ROBO2: variants seen among roughly 807,000 people sequenced by gnomAD.
ROBO2 encodes the protein roundabout guidance receptor 2.
In ROBO2, 53 loss-of-function variants were observed where a neutral mutation model predicts 160.8. The observed-to-expected ratio is 0.33, with a 90% CI of 0.26 to 0.41. ROBO2 has a LOEUF of 0.41. Among genes scored for constraint, ROBO2 ranks in the 10% least tolerant of loss-of-function variants. ROBO2 has a pLI of 1.00. For missense variants in ROBO2, 1,577 were observed against 1,722.4 expected, an observed-to-expected ratio of 0.92 and a Z score of 1.49; for synonymous variants, 664 against 611.7, an observed-to-expected ratio of 1.09 and a Z score of -1.26.
At chr3:76,007,659 T>G (rs1343501994) in intron 2 of ROBO2, among the ~76,000 whole-genome samples, 9 of 152,204 alleles carry the variant, frequency 5.9e-5, no homozygotes, top group Admixed American at 3.3e-4. Flanking sequence ...GACAAGTGTC[T>G]GTTATCATAG....
chr3:76,534,270 C>T (rs1024729946), intron 2 of ROBO2, among the ~76,000 whole-genome samples: 1 of 152,032 alleles, frequency 6.6e-6, no homozygotes, highest in Admixed American at 6.5e-5. Flanking sequence ...CCAGGTAGCA[C>T]ATTTTTGAGC....
intron 2 of ROBO2, among the ~76,000 whole-genome samples, chr3:76,640,389 G>A (rs7643093): frequency 1.3e-3 from 200 of 152,176 alleles, no homozygotes; most frequent in African/African-American, 3.7e-3. Flanking sequence ...AAATTAGTCA[G>A]GCGTGGTGGC....
chr3:75,923,610 G>T (rs1016283229), intron 1 of ROBO2, among the ~76,000 whole-genome samples: 1 of 152,212 alleles, frequency 6.6e-6, no homozygotes, highest in African/African-American at 2.4e-5. Flanking sequence ...ATGCTGTAAA[G>T]TAGCGTACAA....
chr3:76,990,239 T>C (rs1463795381), intron 2 of ROBO2, among the ~76,000 whole-genome samples: 2 of 152,216 alleles, frequency 1.3e-5, no homozygotes, highest in East Asian at 1.9e-4. Flanking sequence ...TAGCTTTTCT[T>C]AGCTGGTCTT....
rs538836315 is a variant in ROBO2 at position 77,040,565 on chromosome 3, C to A, written c.-221C>A. Reference sequence around the variant, plus strand: ...AGCCAGAGTGCTGGAAATACAGCAGCCTTTGAAGTACCCTCTGTTAATTTG... The same window carrying A: ...AGCCAGAGTGCTGGAAATACAGCAGACTTTGAAGTACCCTCTGTTAATTTG... On this transcript the variant is annotated 5_prime_UTR_variant, in exon 1 of 26. Transcript: ENST00000461745. 3.5e-6 allele frequency: 5 copies of A among 1,417,306 alleles called. No individual in the cohort carries two copies. The East Asian group carries it at 1.3e-4, about 37-fold the overall frequency. 87.8% of individuals were successfully genotyped at this position (1,417,306 alleles called of 1,614,324 possible). A position where few individuals can be genotyped will look rare whatever the true frequency, so the allele number is the denominator to read the frequency against.
chr3:76,615,356 C>T (rs1200116572), intron 2 of ROBO2, among the ~76,000 whole-genome samples: 3 of 152,078 alleles, frequency 2.0e-5, no homozygotes, highest in African/African-American at 4.8e-5. Flanking sequence ...CACTACTGCA[C>T]ATCAATTCAT....
chr3:76,078,881 A>G (rs1283373197), intron 2 of ROBO2, among the ~76,000 whole-genome samples: 1 of 152,160 alleles, frequency 6.6e-6, no homozygotes, highest in Non-Finnish European at 1.5e-5. Flanking sequence ...CTTTCTCCAC[A>G]TTCTCATCAA....
chr3:76,084,896 TAATAA>T (rs953732958), intron 2 of ROBO2, among the ~76,000 whole-genome samples: 5 of 152,060 alleles, frequency 3.3e-5, no homozygotes, highest in South Asian at 2.1e-4. Flanking sequence ...TTAAGTAAAT[TAATAA>T]AATAAAATGA....
chr3:77,268,086 A>G (rs1429678768), intron 2 of ROBO2, among the ~76,000 whole-genome samples: 2 of 152,178 alleles, frequency 1.3e-5, no homozygotes, highest in African/African-American at 2.4e-5. Context: ...GGTTGCTTTG[A>G]GCTTGCTGAA....
chr3:76,095,237 G>A (rs6786288), intron 2 of ROBO2, among the ~76,000 whole-genome samples: 91,914 of 151,638 alleles, frequency 0.61, 28,006 homozygotes, highest in Middle Eastern at 0.73. Context: ...GAGATAAGCA[G>A]TAGTGAAAGA....
chr3:77,493,188 T>A, intron 4 of ROBO2, 56 bp from the exon 5 acceptor site: 1 of 1,579,230 alleles, frequency 6.3e-7, no homozygotes, highest in Non-Finnish European at 8.7e-7. Context: ...ATAATGTACT[T>A]AAAGCATGCA....
intron 2 of ROBO2, among the ~76,000 whole-genome samples, chr3:77,348,457 T>A (rs1053664521): frequency 6.6e-6 from 1 of 152,046 alleles, no homozygotes. Flanking sequence ...TGGGACTGCC[T>A]TCTTTACCAC....
At chr3:77,514,046 CT>C in intron 5 of ROBO2, among the ~76,000 whole-genome samples, 1 of 151,788 alleles carries the variant, frequency 6.6e-6, no homozygotes, top group East Asian at 2.0e-4. Context: ...GTTTTTTCAT[CT>C]GTTTCTTTTT....
chr3:77,342,861 GT>G (rs2067214299), intron 2 of ROBO2, among the ~76,000 whole-genome samples: 1 of 152,192 alleles, frequency 6.6e-6, no homozygotes, highest in Non-Finnish European at 1.5e-5. Context: ...TGCTGTATTA[GT>G]TGGCTCAGGC....
At chr3:77,604,582 T>C (rs2094491441) in intron 20 of ROBO2, among the ~76,000 whole-genome samples, 1 of 152,208 alleles carries the variant, frequency 6.6e-6, no homozygotes. Flanking sequence ...TGAATTATAT[T>C]AACTACTTCA....
At chr3:77,452,648 C>T (rs945603662) in intron 2 of ROBO2, among the ~76,000 whole-genome samples, 7 of 152,298 alleles carry the variant, frequency 4.6e-5, no homozygotes, top group African/African-American at 1.4e-4. Context: ...ACTCAGTTTA[C>T]AGCAAGTGCT....
chr3:77,358,459 C>T (rs1432488889), intron 2 of ROBO2, among the ~76,000 whole-genome samples: 2 of 152,198 alleles, frequency 1.3e-5, no homozygotes. Context: ...TTCTGAGCTA[C>T]TGAGAATTAG....
intron 2 of ROBO2, among the ~76,000 whole-genome samples, chr3:76,769,918 T>A (rs926482208): frequency 3.3e-5 from 5 of 151,494 alleles, no homozygotes; most frequent in Non-Finnish European, 7.4e-5. Flanking sequence ...GTGTTCTGCA[T>A]TCCTGCAGTC....
Position 77,366,893 on chromosome 3 carries a change from A to AC in ROBO2, c.389-110514dup, listed in dbSNP as rs145545683. ...AATTAATAGTGAGAACTCTCACAGC[A>AC]CCCCCCCGACACTCACAGTCCCCTG... On this transcript the variant is annotated intron_variant, in intron 2 of 25. Transcript: ENST00000461745. Among the ~76,000 whole-genome samples the AC allele has an allele frequency of 4.7e-4, 66 of 141,440 alleles. 1 individual carries two copies. The highest frequency in any genetic ancestry group is 1.6e-3 in the African/African-American group (63 of 39,158). 92.8% of individuals were successfully genotyped at this position (141,440 alleles called of 152,430 possible).
Sources: gnomAD v4.1 joint callset for allele counts (sites outside exome capture counted in the v4.1 genomes callset) on GRCh38, gnomAD v4.1.1 for gene constraint, MANE v1.5 for transcripts, NCBI Gene and HGNC (gene_info 2026-07-23, HGNC 2026-07-21) for gene names.